Variants in PLEKHF2 observed in about 807,000 individuals in gnomAD.
PLEKHF2 encodes the protein pleckstrin homology and FYVE domain containing 2.
A neutral mutation model predicts 14.7 loss-of-function variants in PLEKHF2; 4 were observed. That is an observed-to-expected ratio of 0.27 (90% CI 0.13 to 0.62). The LOEUF is 0.62. PLEKHF2 is among the 20% of genes least tolerant of loss of function. The pLI, the probability that PLEKHF2 is intolerant of heterozygous loss-of-function variation, is 0.85. For missense variants in PLEKHF2, 201 were observed against 307.7 expected, an observed-to-expected ratio of 0.65 and a Z score of 2.60; for synonymous variants, 90 against 103.5, an observed-to-expected ratio of 0.87 and a Z score of 0.79.
chr8:95,139,723 C>G (rs1810420281), intron 1 of PLEKHF2, among the ~76,000 whole-genome samples: 2 of 152,042 alleles, frequency 1.3e-5, no homozygotes, highest in African/African-American at 4.8e-5. Flanking sequence ...CCCTCCACCC[C>G]CTTTCTCCAG....
At chr8:95,148,769 C>T (rs1314824642) in intron 1 of PLEKHF2, among the ~76,000 whole-genome samples, 2 of 151,914 alleles carry the variant, frequency 1.3e-5, no homozygotes, top group Non-Finnish European at 2.9e-5. Flanking sequence ...TTTTAGAATG[C>T]AAATATTTGA....
intron 1 of PLEKHF2, among the ~76,000 whole-genome samples, chr8:95,151,990 A>C (rs1810569462): frequency 6.6e-6 from 1 of 152,066 alleles, no homozygotes; most frequent in Non-Finnish European, 1.5e-5. Flanking sequence ...TGTATTTGAA[A>C]TTGGTCTTAT....
chr8:95,140,828 G>T (rs1810431559), intron 1 of PLEKHF2, among the ~76,000 whole-genome samples: 1 of 152,090 alleles, frequency 6.6e-6, no homozygotes, highest in Admixed American at 6.5e-5. Flanking sequence ...AAGTTAAAAA[G>T]TTTTTGGCTT....
chr8:95,150,444 C>A (rs1810545051), intron 1 of PLEKHF2, among the ~76,000 whole-genome samples: 1 of 152,132 alleles, frequency 6.6e-6, no homozygotes, highest in South Asian at 2.1e-4. Context: ...ATGCATCATT[C>A]ATTGTTGAAA....
At chr8:95,151,118 AGTTCAGCTAATATTATTAGATG>A (rs1255752443) in intron 1 of PLEKHF2, among the ~76,000 whole-genome samples, 2 of 152,114 alleles carry the variant, frequency 1.3e-5, no homozygotes, top group Non-Finnish European at 2.9e-5. Flanking sequence ...ATCAGCTCAC[AGTTCAGCTAATATTATTAGATG>A]CTTCTTTGGG....
intron 1 of PLEKHF2, among the ~76,000 whole-genome samples, chr8:95,138,166 CTAGT>C (rs1358055599): frequency 1.3e-5 from 2 of 152,156 alleles, no homozygotes; most frequent in Non-Finnish European, 2.9e-5. Context: ...CTGCTTTATA[CTAGT>C]TACTTTCTAA....
intron 1 of PLEKHF2, among the ~76,000 whole-genome samples, chr8:95,135,473 C>T (rs982687987): frequency 2.0e-5 from 3 of 151,982 alleles, no homozygotes; most frequent in Non-Finnish European, 2.9e-5. Flanking sequence ...GTGTCATCTC[C>T]GCTCACTGCA....
intron 1 of PLEKHF2, among the ~76,000 whole-genome samples, chr8:95,147,152 C>T (rs754499075): frequency 6.6e-6 from 1 of 152,002 alleles, no homozygotes; most frequent in South Asian, 2.1e-4. Flanking sequence ...GTTTCATCAA[C>T]ATTTCAGTGG....
At chr8:95,146,457 CATAGTAGTCT>C (rs1810501266) in intron 1 of PLEKHF2, among the ~76,000 whole-genome samples, 3 of 150,570 alleles carry the variant, frequency 2.0e-5, no homozygotes, top group Admixed American at 6.6e-5. Flanking sequence ...AGAACTAAGA[CATAGTAGTCT>C]ATGACATTTG....
At chr8:95,135,845 G>A (rs1170990092) in intron 1 of PLEKHF2, among the ~76,000 whole-genome samples, 2 of 152,010 alleles carry the variant, frequency 1.3e-5, no homozygotes, top group South Asian at 2.1e-4. Context: ...TGTCCATCTC[G>A]TTTGCTCTTA....
chr8:95,151,409 G>T (rs138979184), intron 1 of PLEKHF2, among the ~76,000 whole-genome samples: 113 of 151,000 alleles, frequency 7.5e-4, no homozygotes, highest in African/African-American at 2.6e-3. Flanking sequence ...TAGGGCCTTT[G>T]CAGTTACTCC....
At chr8:95,144,209 C>T (rs1810468000) in intron 1 of PLEKHF2, among the ~76,000 whole-genome samples, 2 of 152,090 alleles carry the variant, frequency 1.3e-5, no homozygotes, top group South Asian at 2.1e-4. Flanking sequence ...TATTTGTTCC[C>T]TCTCTCCTAC....
chr8:95,139,137 T>C (rs970042946), intron 1 of PLEKHF2, among the ~76,000 whole-genome samples: 17 of 152,220 alleles, frequency 1.1e-4, no homozygotes, highest in African/African-American at 4.1e-4. Context: ...TTTTTTAAAA[T>C]TGACATTTGT....
rs1425965368 is a variant in PLEKHF2, at chr8:95,156,109, A to G, written c.*1315A>G. On this transcript the variant is annotated 3_prime_UTR_variant, in exon 2 of 2. Transcript: ENST00000315367. The stretch of plus-strand genomic sequence containing the variant: ...TTGAGGCAGCCATTAGGTTGAAAGT[A>G]TATATTTATCATATAAAACTTGATG... The G allele has an allele frequency of 3.6e-5, 6 of 167,096 alleles. No homozygotes were observed. Among genetic ancestry groups the G allele is most frequent in the African/African-American group, 1.4e-4 (6 of 41,466 alleles). 10.4% of individuals were successfully genotyped at this position (167,096 alleles called of 1,614,324 possible).
chr8:95,156,515 TCAAC>T lies in PLEKHF2; in HGVS notation c.*1726_*1729del, dbSNP rs1013527923. ...GTTTCTAAGCAATATATACATAAAATCAACCAACATATCTGAAAAGGATCATGAA... is the reference window on the plus strand; with the variant it reads ...GTTTCTAAGCAATATATACATAAAATCAACATATCTGAAAAGGATCATGAA... On this transcript the variant is annotated 3_prime_UTR_variant, in exon 2 of 2. Coordinates refer to ENST00000315367, the MANE Select transcript of PLEKHF2 (RefSeq NM_024613.4). The T allele has an allele frequency of 1.2e-5, 2 of 166,994 alleles. No homozygotes were observed. Among genetic ancestry groups the T allele is most frequent in the African/African-American group, 4.8e-5 (2 of 41,440 alleles). The allele number at this position is 166,994 out of a possible 1,614,324, so 10.3% of individuals were successfully genotyped here. A position where few individuals can be genotyped will look rare whatever the true frequency, so the allele number is the denominator to read the frequency against.
chr8:95,153,462 T>C (rs1326887474), intron 1 of PLEKHF2, among the ~76,000 whole-genome samples: 1 of 152,140 alleles, frequency 6.6e-6, no homozygotes, highest in Non-Finnish European at 1.5e-5. Flanking sequence ...GGTTAAGGGA[T>C]CATTTTGAGC....
At chr8:95,148,024 A>T (rs533055558) in intron 1 of PLEKHF2, among the ~76,000 whole-genome samples, 1 of 151,944 alleles carries the variant, frequency 6.6e-6, no homozygotes, top group Non-Finnish European at 1.5e-5. Context: ...GTTTTTTTCA[A>T]ACTCAAGAAT....
At chr8:95,148,196 A>G (rs999200604) in intron 1 of PLEKHF2, among the ~76,000 whole-genome samples, 1 of 129,094 alleles carries the variant, frequency 7.7e-6, no homozygotes, top group Non-Finnish European at 1.7e-5. Flanking sequence ...GCTTTCTCTT[A>G]AAGTTTTTTT....
rs774961196 is a variant in PLEKHF2 at position 95,154,647 on chromosome 8, G to A, written c.603G>A (p.Val201=). 2 of 1,614,118 alleles carry A rather than the reference G, an allele frequency of 1.2e-6. No homozygotes were observed. The highest frequency in any genetic ancestry group is 1.1e-5 in the South Asian group (1 of 91,078). ...TTCCCAGCCAGTCCTCTAAGCCTGT[G>A]CGGATTTGTGACTTCTGCTATGACC... ...FLLPSQSSKP[V]RICDFCYDLL... The change falls in exon 2 of 2, where the codon GTG becomes GTA. Residue 201 remains valine (V), a synonymous_variant. Transcript: ENST00000315367. The surrounding 1 kb of genome is among the most constrained non-coding windows in gnomAD (Gnocchi z 5.6).
Sources: gnomAD v4.1 joint callset for allele counts (sites outside exome capture counted in the v4.1 genomes callset) on GRCh38, gnomAD v4.1.1 for gene constraint, Gnocchi (gnomAD v3.1) non-coding constraint, MANE v1.5 for transcripts, NCBI Gene and HGNC (gene_info 2026-07-23, HGNC 2026-07-21) for gene names.